Variants in TMEM267 observed in about 807,000 individuals in gnomAD.
The protein encoded by TMEM267 is transmembrane protein 267, also known as transmembrane protein C5orf28.
Under a neutral mutation model 19.3 loss-of-function variants are expected in TMEM267, and 20 were observed. The observed-to-expected ratio is 1.04, with a 90% CI of 0.73 to 1.51. The LOEUF (loss-of-function observed/expected upper bound fraction) is 1.51. TMEM267 is among the 40% of genes most tolerant of loss of function. The pLI is 0.00. For synonymous variants in TMEM267, 88 were observed against 90.3 expected, an observed-to-expected ratio of 0.97 and a Z score of 0.15; for missense variants, 242 against 261.9, an observed-to-expected ratio of 0.92 and a Z score of 0.52.
intron 1 of TMEM267, among the ~76,000 whole-genome samples, chr5:43,465,759 A>T (rs770578337): frequency 6.6e-6 from 1 of 152,108 alleles, no homozygotes; most frequent in Non-Finnish European, 1.5e-5. Context: ...AACAATGAGA[A>T]CACATGGACA....
chr5:43,481,835 G>GT (rs1168645215), intron 1 of TMEM267, among the ~76,000 whole-genome samples: 1 of 151,992 alleles, frequency 6.6e-6, no homozygotes, highest in Non-Finnish European at 1.5e-5. Context: ...ATTGTCTACT[G>GT]TTTTTTGTTT....
intron 1 of TMEM267, among the ~76,000 whole-genome samples, chr5:43,458,274 A>G (rs1239411235): frequency 6.6e-6 from 1 of 151,862 alleles, no homozygotes; most frequent in Non-Finnish European, 1.5e-5. Context: ...CTAATTTTTA[A>G]ATTTTTTTGT....
At chr5:43,461,131 GC>G (rs1743232479) in intron 1 of TMEM267, among the ~76,000 whole-genome samples, 1 of 152,128 alleles carries the variant, frequency 6.6e-6, no homozygotes, top group Non-Finnish European at 1.5e-5. Context: ...AGTCATGAGG[GC>G]CCCATTCCAG....
chr5:43,456,618 T>A (rs185215234), intron 1 of TMEM267, among the ~76,000 whole-genome samples: 3 of 152,192 alleles, frequency 2.0e-5, no homozygotes, highest in African/African-American at 7.2e-5. Flanking sequence ...GTACCTACCA[T>A]TGATGATATT....
At chr5:43,460,780 C>G (rs1402186101) in intron 1 of TMEM267, among the ~76,000 whole-genome samples, 1 of 152,176 alleles carries the variant, frequency 6.6e-6, no homozygotes, top group African/African-American at 2.4e-5. Flanking sequence ...TTAAATTAGC[C>G]CAAGCCAGAG....
chr5:43,469,862 C>T (rs1200127254), intron 1 of TMEM267, among the ~76,000 whole-genome samples: 2 of 152,170 alleles, frequency 1.3e-5, no homozygotes, highest in Non-Finnish European at 2.9e-5. Flanking sequence ...ACAGTTCCAC[C>T]CAATTTCACC....
At chr5:43,481,726 C>CA (rs1228291882) in intron 1 of TMEM267, among the ~76,000 whole-genome samples, 1 of 152,150 alleles carries the variant, frequency 6.6e-6, no homozygotes, top group Non-Finnish European at 1.5e-5. Flanking sequence ...GTCAACCCTT[C>CA]AGATGTCCGC....
intron 1 of TMEM267, among the ~76,000 whole-genome samples, chr5:43,466,482 C>A (rs926891861): frequency 1.3e-5 from 2 of 152,110 alleles, no homozygotes; most frequent in Non-Finnish European, 2.9e-5. Flanking sequence ...AACACTAGAC[C>A]TGTCCTATAA....
chr5:43,462,800 TA>T (rs1364356422), intron 1 of TMEM267, among the ~76,000 whole-genome samples: 3 of 152,052 alleles, frequency 2.0e-5, no homozygotes, highest in African/African-American at 4.8e-5. Context: ...AAAATAGCCT[TA>T]AAAAAGCAAA....
At chr5:43,447,214 C>T (rs768362162) in intron 2 of TMEM267, among the ~76,000 whole-genome samples, 11 of 151,700 alleles carry the variant, frequency 7.3e-5, no homozygotes, top group Non-Finnish European at 1.5e-4. Flanking sequence ...CTCAGCCTCC[C>T]GAGTAGCTGG....
intron 1 of TMEM267, among the ~76,000 whole-genome samples, chr5:43,455,356 G>T (rs1208078604): frequency 6.6e-6 from 1 of 151,916 alleles, no homozygotes; most frequent in Non-Finnish European, 1.5e-5. Context: ...CCCGGAGGTT[G>T]AGGCTGCAGT....
intron 1 of TMEM267, among the ~76,000 whole-genome samples, chr5:43,465,291 C>A (rs1312417943): frequency 2.0e-5 from 3 of 152,050 alleles, no homozygotes; most frequent in African/African-American, 4.8e-5. Flanking sequence ...GGCAATCATT[C>A]AAAAGTCAGG....
intron 1 of TMEM267, chr5:43,454,321 A>G (rs1579791701): frequency 1.5e-5 from 3 of 197,554 alleles, no homozygotes; most frequent in Non-Finnish European, 3.1e-5. Flanking sequence ...AAATAGATCT[A>G]TCTCCCAGCT....
In TMEM267 at chr5:43,445,147, T is replaced by G. The variant is rs1041832470; in HGVS notation, c.*1075A>C. ...ATAAACTGTGCAAATATAAGATGTA[T>G]AGCAACTAAATTTTCCTTCTCTAAT... On this transcript the variant is annotated 3_prime_UTR_variant, in exon 3 of 3. Coordinates refer to ENST00000397080, the MANE Select transcript of TMEM267 (RefSeq NM_022483.5). 9 of 152,272 alleles carry G rather than the reference T, an allele frequency of 5.9e-5. No individual in the cohort carries two copies. The highest frequency in any genetic ancestry group is 2.2e-4 in the African/African-American group (9 of 41,578). 9.4% of individuals were successfully genotyped at this position (152,272 alleles called of 1,614,324 possible). A position where few individuals can be genotyped will look rare whatever the true frequency, so the allele number is the denominator to read the frequency against.
rs770387984 is a variant in TMEM267 at position 43,446,196 on chromosome 5, T to C, written c.*26A>G. ...TCTTAATTATCATCATCTGAGCCATTTGCTTCTCTAAGACTGCCGTGTACC... is the reference window on the plus strand; with the variant it reads ...TCTTAATTATCATCATCTGAGCCATCTGCTTCTCTAAGACTGCCGTGTACC... On this transcript the variant is annotated 3_prime_UTR_variant, in exon 3 of 3. Transcript: ENST00000397080. The C allele has an allele frequency of 2.7e-6, 4 of 1,454,672 alleles. No homozygotes were observed. The highest frequency in any genetic ancestry group is 1.8e-5 in the Admixed American group (1 of 54,724). 90.1% of individuals were successfully genotyped at this position (1,454,672 alleles called of 1,614,324 possible).
chr5:43,447,148 G>A (rs2013173), intron 2 of TMEM267, among the ~76,000 whole-genome samples: 92,171 of 150,674 alleles, frequency 0.61, 30,821 homozygotes, highest in African/African-American at 0.89. Context: ...GCTGGAGTGC[G>A]GTGGCGCAAT....
intron 1 of TMEM267, among the ~76,000 whole-genome samples, chr5:43,457,852 T>C (rs2112075881): frequency 6.6e-6 from 1 of 152,354 alleles, no homozygotes; most frequent in Admixed American, 6.5e-5. Flanking sequence ...ATTATATTTT[T>C]CTCTATTTTT....
intron 1 of TMEM267, among the ~76,000 whole-genome samples, chr5:43,468,947 A>T (rs1432925481): frequency 2.0e-5 from 3 of 152,366 alleles, no homozygotes; most frequent in African/African-American, 7.2e-5. Flanking sequence ...ATACATGGAA[A>T]TAAAACAATA....
intron 1 of TMEM267, among the ~76,000 whole-genome samples, chr5:43,469,914 C>T (rs754504367): frequency 6.6e-6 from 1 of 152,188 alleles, no homozygotes; most frequent in Non-Finnish European, 1.5e-5. Context: ...AGGTGCAGGA[C>T]AGTAAATCAT....
Sources: gnomAD v4.1 joint callset for allele counts (sites outside exome capture counted in the v4.1 genomes callset) on GRCh38, gnomAD v4.1.1 for gene constraint, MANE v1.5 for transcripts, NCBI Gene and HGNC (gene_info 2026-07-23, HGNC 2026-07-21) for gene names.